The following WIZ variants were observed in gnomAD, a reference collection of about 807,000 sequenced individuals.
WIZ encodes WIZ zinc finger.
Under a neutral mutation model 140.2 loss-of-function variants are expected in WIZ, and 25 were observed. That is an observed-to-expected ratio of 0.18 (90% confidence interval 0.13 to 0.25). WIZ has a LOEUF of 0.25. WIZ is among the 10% of genes least tolerant of loss of function. The pLI is 1.00. For missense variants in WIZ, 2,231 were observed against 2,632.6 expected (o/e 0.85, Z 3.34); for synonymous variants, 1,125 against 1,154.3 (o/e 0.97, Z 0.51).
At chr19:15,444,920 C>T (rs1969864788) in intron 2 of WIZ, among the ~76,000 whole-genome samples, 1 of 152,192 alleles carries the variant, frequency 6.6e-6, no homozygotes, top group South Asian at 2.1e-4. Flanking sequence ...CTAAGAATTC[C>T]AAGAGCCAGG....
chr19:15,431,640 G>T (rs1969247021), intron 5 of WIZ, among the ~76,000 whole-genome samples: 1 of 152,236 alleles, frequency 6.6e-6, no homozygotes, highest in Non-Finnish European at 1.5e-5. Flanking sequence ...TGGCTTCACA[G>T]CACTTGTGAG....
chr19:15,425,242 G>A lies in WIZ; in HGVS notation c.4893C>T (p.Ser1631=). The A allele has an allele frequency of 1.9e-6, 3 of 1,576,696 alleles. No homozygotes were observed. Among genetic ancestry groups the A allele is most frequent in the Non-Finnish European group, 2.6e-6 (3 of 1,162,368 alleles). ...AKTLHEKTSH[S]STEACCELCG... ...AGGACCCTGCCGCCCGCTGCTTACA[G>A]GAGTGGGAGGTCTTCTCATGAAGGG... Residue 1631 remains serine, a splice_region_variant and synonymous_variant, in exon 10 of 13, where the codon TCC becomes TCT. Transcript: ENST00000673675.
rs1968545912 is a variant in WIZ at position 15,424,020 on chromosome 19, T to C, written c.5510+163A>G. 1.7e-6 allele frequency: 1 copy of C among 604,222 alleles called. No individual in the cohort carries two copies. Among genetic ancestry groups the C allele is most frequent in the African/African-American group, 2.0e-5 (1 of 51,156 alleles). 37.4% of individuals were successfully genotyped at this position (604,222 alleles called of 1,614,324 possible). On this transcript the variant is annotated intron_variant, in intron 12 of 12. Transcript: ENST00000673675. This position sits in a 1 kb window ranked among gnomAD's most constrained non-coding sequence, Gnocchi z 9.7. The stretch of plus-strand genomic sequence containing the variant: ...GGATTTGAACCCAGGTCTCGCAGGC[T>C]ACAAAGCTCAGGGTGTCAGCCTTTA...
intron 9 of WIZ, 86 bp downstream of exon 9, chr19:15,426,896 C>T: frequency 4.7e-6 from 7 of 1,494,566 alleles, no homozygotes; most frequent in East Asian, 2.3e-5. Flanking sequence ...CCAATTCAAC[C>T]CTAGGCACTC....
chr19:15,441,027 G>A (rs1362723770), intron 3 of WIZ, among the ~76,000 whole-genome samples: 1 of 152,152 alleles, frequency 6.6e-6, no homozygotes, highest in Non-Finnish European at 1.5e-5. Flanking sequence ...GAAGTCTGGT[G>A]GCAACAGTCA....
Position 15,438,883 on chromosome 19 carries a change from A to G in WIZ, c.2111T>C (p.Leu704Ser), listed in dbSNP as rs1363571983. The change falls in exon 4 of 13, where the codon TTG becomes TCG. Residue 704 changes from leucine (L) to serine (S), a missense_variant. By Grantham distance (145) the Leu-to-Ser change is moderately radical (BLOSUM62 -2). Transcript: ENST00000673675. ...TGCCAGCCCCAGCTCCTCGGGCTGC[A>G]ACCTTGGGGGCACCCTGGCTGCCGC... ...VMAAARVPPR[L>S]QPEELGLAGA... The G allele has an allele frequency of 1.4e-6, 2 of 1,456,162 alleles. No homozygotes were observed. The highest frequency in any genetic ancestry group is 5.0e-5 in the East Asian group (2 of 40,068). 90.2% of individuals were successfully genotyped at this position (1,456,162 alleles called of 1,614,324 possible). A position where few individuals can be genotyped will look rare whatever the true frequency, so the allele number is the denominator to read the frequency against.
In WIZ at chr19:15,425,539, C is replaced by A. The variant is rs750363447; in HGVS notation, c.4596G>T (p.Leu1532=). ...EPPAGDLAPA[L]AEDGPPTVAP... The stretch of plus-strand genomic sequence containing the variant: ...CCACGGTGGGAGGCCCGTCCTCAGC[C>A]AGGGCAGGGGCCAGGTCTCCAGCCG... Residue 1532 remains leucine (L), a synonymous_variant, in exon 10 of 13, where the codon CTG becomes CTT. Coordinates refer to ENST00000673675, the MANE Select transcript of WIZ (RefSeq NM_001371589.1). The A allele has an allele frequency of 1.2e-6, 2 of 1,612,114 alleles. No individual in the cohort carries two copies. The highest frequency in any genetic ancestry group is 3.3e-5 in the Admixed American group (2 of 59,994).
At position 15,425,281 on chromosome 19, in the gene WIZ, G is replaced by A. The variant is rs1968670996; in HGVS notation, c.4854C>T (p.Pro1618=). The A allele has an allele frequency of 6.3e-7, 1 of 1,591,940 alleles. No homozygotes were observed. The highest frequency in any genetic ancestry group is 8.5e-7 in the Non-Finnish European group (1 of 1,170,014). ...KAKTYIQTEL[P]FKAKTLHEKT... ...TCTCATGAAGGGTCTTTGCCTTGAA[G>A]GGCAGTTCAGTCTGGATGTAGGTCT... is the stretch of plus-strand genomic sequence containing the variant. Residue 1618 remains proline, a synonymous_variant, in exon 10 of 13, where the codon CCC becomes CCT. Transcript: ENST00000673675.
rs145650728 is a variant in WIZ at position 15,447,994 on chromosome 19, G to A, written c.205+109C>T. ...CAAAGAAAAGGCTCTGGACCCAAGC[G>A]GAATCAGCATCCCAGCTCAGCCGCT... On this transcript the variant is annotated intron_variant, in intron 2 of 12. Coordinates refer to ENST00000673675, the MANE Select transcript of WIZ (RefSeq NM_001371589.1). 132 of 1,279,490 alleles carry A rather than the reference G, an allele frequency of 1.0e-4. No individual in the cohort carries two copies. In the East Asian group the frequency reaches 2.4e-3, roughly 23 times the overall value. 79.3% of individuals were successfully genotyped at this position (1,279,490 alleles called of 1,614,324 possible). A position where few individuals can be genotyped will look rare whatever the true frequency, so the allele number is the denominator to read the frequency against.
chr19:15,422,312 A>T lies in WIZ; in HGVS notation c.*764T>A, dbSNP rs1968417571. The T allele has an allele frequency of 6.6e-6, 1 of 152,256 alleles. No individual in the cohort carries two copies. Among genetic ancestry groups the T allele is most frequent in the African/African-American group, 2.4e-5 (1 of 41,464 alleles). 9.4% of individuals were successfully genotyped at this position (152,256 alleles called of 1,614,324 possible). On this transcript the variant is annotated 3_prime_UTR_variant, in exon 13 of 13. Coordinates refer to ENST00000673675, the MANE Select transcript of WIZ (RefSeq NM_001371589.1). ...GCTATACATAGAAAGCAACAGTGAA[A>T]AGGGAGAGGGAGCAGGAGTGGGGGA...
chr19:15,433,726 G>T (rs1422858880), intron 5 of WIZ, among the ~76,000 whole-genome samples: 4 of 152,200 alleles, frequency 2.6e-5, no homozygotes, highest in Admixed American at 2.6e-4. Context: ...CTGAGTGCCT[G>T]GGGAGCAGCC....
chr19:15,424,306 T>A lies in WIZ; in HGVS notation c.5387A>T (p.Gln1796Leu). The change falls in exon 12 of 13, where the codon CAG (glutamine) becomes CTG (leucine). Residue 1796 changes from glutamine (Q) to leucine (L), a missense_variant. Coordinates refer to ENST00000673675, the MANE Select transcript of WIZ (RefSeq NM_001371589.1). The surrounding 1 kb of genome is among the most constrained non-coding windows in gnomAD (Gnocchi z 9.7). ...ARGGEDTNDL[Q>L]QKLEEVRQPP... ...TTGCCGCACCTCCTCCAGCTTCTGCTGTAGGTCATTGGTGTCCTCGCCTCC... is the reference window on the plus strand; with the variant it reads ...TTGCCGCACCTCCTCCAGCTTCTGCAGTAGGTCATTGGTGTCCTCGCCTCC... The A allele has an allele frequency of 6.2e-7, 1 of 1,601,628 alleles. No homozygotes were observed. Among genetic ancestry groups the A allele is most frequent in the Non-Finnish European group, 8.5e-7 (1 of 1,176,130 alleles).
intron 7 of WIZ, 85 bp downstream of exon 7, chr19:15,429,497 CTGGG>C: frequency 3.3e-4 from 368 of 1,101,544 alleles, no homozygotes; most frequent in Non-Finnish European, 3.9e-4. Context: ...CCCACCCACC[CTGGG>C]CCCTGTCCCT....
In WIZ at chr19:15,439,714, G is replaced by A. The variant is rs1969659254; in HGVS notation, c.1280C>T (p.Pro427Leu). Residue 427 changes from proline (P) to leucine (L), a missense_variant, in exon 4 of 13, where the codon CCC becomes CTC. Pro to Leu is a moderately conservative substitution (Grantham distance 98). Coordinates refer to ENST00000673675, the MANE Select transcript of WIZ (RefSeq NM_001371589.1). The surrounding 1 kb of genome is among the most constrained non-coding windows in gnomAD (Gnocchi z 7.0). Reference sequence around the variant, plus strand: ...AGGCTCTTTGGTGGTCTGGCCTGGGGGCTCACGCATGTGCAGCTTGGCATG... The same window carrying A: ...AGGCTCTTTGGTGGTCTGGCCTGGGAGCTCACGCATGTGCAGCTTGGCATG... ...VQHAKLHMREPPGQTTKEPFG... is the reference protein window; with the variant it reads ...VQHAKLHMRELPGQTTKEPFG... The A allele has an allele frequency of 4.0e-6, 6 of 1,486,876 alleles. No individual in the cohort carries two copies. The highest frequency in any genetic ancestry group is 2.5e-5 in the East Asian group (1 of 40,552). The allele number at this position is 1,486,876 out of a possible 1,614,324, so 92.1% of individuals were successfully genotyped here.
In WIZ at chr19:15,440,054, C is replaced by T. The variant is rs1256660390; in HGVS notation, c.940G>A (p.Val314Met). Reference sequence around the variant, plus strand: ...ATGCTGCACTCGATGCATGGGAACACGGCCGGCTCCTCGTCCTCGTCCTCA... The same window carrying T: ...ATGCTGCACTCGATGCATGGGAACATGGCCGGCTCCTCGTCCTCGTCCTCA... ...PDEDEDEEPA[V>M]FPCIECSIYF... The change falls in exon 4 of 13, where the codon GTG becomes ATG. Residue 314 changes from valine (V) to methionine (M), a missense_variant. Val to Met is a conservative substitution (Grantham distance 21). This residue lies in a region of WIZ where 6 missense variants were observed against 19.8 expected (regional missense o/e 0.30). Transcript: ENST00000673675. This position sits in a 1 kb window ranked among gnomAD's most constrained non-coding sequence, Gnocchi z 6.2. 10 of 1,535,878 alleles carry T rather than the reference C, an allele frequency of 6.5e-6. No homozygotes were observed. Among genetic ancestry groups the T allele is most frequent in the Non-Finnish European group, 8.7e-6 (10 of 1,146,788 alleles).
At chr19:15,445,756 G>A (rs1969897264) in intron 2 of WIZ, among the ~76,000 whole-genome samples, 1 of 152,176 alleles carries the variant, frequency 6.6e-6, no homozygotes, top group Admixed American at 6.5e-5. Flanking sequence ...TGCAGAGGGG[G>A]TGTGGGAGCT....
In WIZ at chr19:15,425,249, G is replaced by T. The variant is rs1968668794; in HGVS notation, c.4886C>A (p.Ser1629Tyr). Residue 1629 changes from serine to tyrosine, a missense_variant, in exon 10 of 13, where the codon TCC becomes TAC. By Grantham distance (144) the Ser-to-Tyr change is moderately radical (BLOSUM62 -2). This residue lies in a region of WIZ where 393 missense variants were observed against 451.7 expected (regional missense o/e 0.87). Transcript: ENST00000673675. ...FKAKTLHEKTSHSSTEACCEL... is the reference protein window; with the variant it reads ...FKAKTLHEKTYHSSTEACCEL... ...TGCCGCCCGCTGCTTACAGGAGTGG[G>T]AGGTCTTCTCATGAAGGGTCTTTGC... 1 of 1,581,048 alleles carries T rather than the reference G, an allele frequency of 6.3e-7. No homozygotes were observed.
At position 15,425,677 on chromosome 19, in the gene WIZ, T is replaced by A. The variant is rs373889917; in HGVS notation, c.4458A>T (p.Ser1486=). 5 of 1,613,140 alleles carry A rather than the reference T, an allele frequency of 3.1e-6. No individual in the cohort carries two copies. The African/African-American group carries it at 6.7e-5, about 22-fold the overall frequency. The stretch of plus-strand genomic sequence containing the variant: ...CGGTCACACCCATCTGCCGCAGGTG[T>A]GAGCGCGCGTGACTCGACAGGCCCT... The part of the protein sequence containing the change: ...NRKGLSSHAR[S]HLRQMGVTEW... Residue 1486 remains serine (S), a synonymous_variant, in exon 10 of 13, where the codon TCA becomes TCT. Coordinates refer to ENST00000673675, the MANE Select transcript of WIZ (RefSeq NM_001371589.1).
In WIZ at chr19:15,425,762, C is replaced by A; in HGVS notation, c.4373G>T (p.Arg1458Leu). Reference protein sequence around the residue: ...EDMTPLNLSSRAEPVRDIRCE... With the variant: ...EDMTPLNLSSLAEPVRDIRCE... ...GCGGATGTCGCGCACCGGCTCTGCC[C>A]GGGACGCTGCAGGGGATCCAGGGTA... Residue 1458 changes from arginine (R) to leucine (L), a missense_variant, in exon 10 of 13, where the codon CGG becomes CTG. Physicochemically the swap from Arg to Leu is moderately radical, Grantham distance 102 (BLOSUM62 -2). Coordinates refer to ENST00000673675, the MANE Select transcript of WIZ (RefSeq NM_001371589.1). 1 of 1,533,958 alleles carries A rather than the reference C, an allele frequency of 6.5e-7. No homozygotes were observed. The highest frequency in any genetic ancestry group is 2.4e-5 in the East Asian group (1 of 41,650).
Sources: allele counts gnomAD v4.1 joint callset (sites outside exome capture counted in the v4.1 genomes callset), GRCh38; gene constraint gnomAD v4.1.1; regional missense constraint gnomAD v4.1.1; non-coding constraint Gnocchi (gnomAD v3.1); transcripts MANE v1.5; gene names NCBI Gene and HGNC (gene_info 2026-07-23, HGNC 2026-07-21).